PNLIPRP1: variants seen among roughly 807,000 people sequenced by gnomAD.
PNLIPRP1 encodes pancreatic lipase related protein 1, also known as inactive pancreatic lipase-related protein 1.
A neutral mutation model predicts 54.6 loss-of-function variants in PNLIPRP1; 57 were observed. That is an observed-to-expected ratio of 1.04 (90% CI 0.84 to 1.30). The LOEUF is 1.30. Among genes scored for constraint, PNLIPRP1 ranks in the 50% most tolerant of loss-of-function variants. PNLIPRP1 has a pLI of 0.00. For missense variants in PNLIPRP1, 567 were observed against 568.5 expected, an observed-to-expected ratio of 1.00 and a Z score of 0.03; for synonymous variants, 232 against 208.8, an observed-to-expected ratio of 1.11 and a Z score of -0.96.
At chr10:116,608,384 A>C (rs2133246134) in intron 12 of PNLIPRP1, among the ~76,000 whole-genome samples, 1 of 152,328 alleles carries the variant, frequency 6.6e-6, no homozygotes, top group African/African-American at 2.4e-5. Context: ...AAAGGTCATG[A>C]GGAACTCCAG....
chr10:116,603,946 C>T, intron 10 of PNLIPRP1, 84 bp from the exon 11 acceptor site: 5 of 637,906 alleles, frequency 7.8e-6, no homozygotes, highest in Non-Finnish European at 1.3e-5. Context: ...TTTGTTGCCT[C>T]AGAGTAAGAG....
chr10:116,591,640 G>A (rs1847638680), intron 2 of PNLIPRP1, 131 bp from the exon 3 acceptor site: 4 of 864,596 alleles, frequency 4.6e-6, no homozygotes, highest in Non-Finnish European at 7.4e-6. Flanking sequence ...AGAGTGGGAG[G>A]GGTTGCAGTA....
chr10:116,592,607 C>T (rs782024093), intron 4 of PNLIPRP1, 66 bp downstream of exon 4: 1 of 1,570,690 alleles, frequency 6.4e-7, no homozygotes, highest in Non-Finnish European at 8.8e-7. Flanking sequence ...CTCTGCATCA[C>T]TTTATGCACT....
chr10:116,604,681 C>CTTTTTTTTTTT (rs1234478269), intron 11 of PNLIPRP1, among the ~76,000 whole-genome samples: 8 of 94,126 alleles, frequency 8.5e-5, no homozygotes, highest in Non-Finnish European at 1.6e-4. Flanking sequence ...CTTTCTCTCT[C>CTTTTTTTTTTT]TTTTTTTTTT....
At chr10:116,606,109 C>A (rs1056552622) in intron 12 of PNLIPRP1, among the ~76,000 whole-genome samples, 1 of 152,102 alleles carries the variant, frequency 6.6e-6, no homozygotes, top group African/African-American at 2.4e-5. Flanking sequence ...GAGGGCAGAG[C>A]GACTGTCTCT....
intron 8 of PNLIPRP1, 32 bp downstream of exon 8, chr10:116,598,198 C>G (rs555199166): frequency 1.9e-4 from 299 of 1,594,592 alleles, no homozygotes; most frequent in Non-Finnish European, 2.4e-4. Context: ...GGGAGCAGGG[C>G]GGGTACTTTC....
Position 116,604,099 on chromosome 10 carries a change from T to C in PNLIPRP1, c.1133T>C (p.Phe378Ser), listed in dbSNP as rs1554865216. 5 of 1,613,310 alleles carry C rather than the reference T, an allele frequency of 3.1e-6. No individual in the cohort carries two copies. Among genetic ancestry groups the C allele is most frequent in the Non-Finnish European group, 3.4e-6 (4 of 1,179,308 alleles). The change falls in exon 11 of 13, where the codon TTT (phenylalanine) becomes TCT (serine). Residue 378 changes from phenylalanine to serine, a missense_variant. Phe to Ser is a radical substitution (Grantham distance 155). Coordinates refer to ENST00000358834, the MANE Select transcript of PNLIPRP1 (RefSeq NM_006229.4). ...TATGQIKVAL[F>S]GNKGNTHQYS... ...ACTGGTCAGATCAAAGTTGCTTTGT[T>C]TGGAAATAAGGGAAACACTCACCAG...
chr10:116,596,234 T>A lies in PNLIPRP1; in HGVS notation c.486T>A (p.Pro162=). 2 of 1,612,872 alleles carry A rather than the reference T, an allele frequency of 1.2e-6. No individual in the cohort carries two copies. Among genetic ancestry groups the A allele is most frequent in the Non-Finnish European group, 1.7e-6 (2 of 1,178,884 alleles). ...DILLTEYSYP[P]SKVHLIGHSL... ...TCCAGACAGAGTATAGCTACCCCCC[T>A]TCCAAAGTTCACCTCATTGGCCACA... is the stretch of plus-strand genomic sequence containing the variant. The change falls in exon 6 of 13, where the codon CCT becomes CCA. Residue 162 remains proline, a synonymous_variant. Coordinates refer to ENST00000358834, the MANE Select transcript of PNLIPRP1 (RefSeq NM_006229.4).
chr10:116,595,200 C>A, intron 5 of PNLIPRP1: 1 of 285,642 alleles, frequency 3.5e-6, no homozygotes, highest in South Asian at 4.2e-5. Context: ...CAGAATTCAC[C>A]CACAACACCA....
At chr10:116,602,608 A>G (rs1189873826) in intron 10 of PNLIPRP1, among the ~76,000 whole-genome samples, 2 of 152,202 alleles carry the variant, frequency 1.3e-5, no homozygotes, top group Admixed American at 1.3e-4. Context: ...ACATTATGGG[A>G]CAGAGAACCT....
intron 3 of PNLIPRP1, 82 bp from the exon 4 acceptor site, chr10:116,592,334 T>C (rs1342871432): frequency 1.4e-6 from 2 of 1,470,620 alleles, no homozygotes; most frequent in Non-Finnish European, 1.8e-6. Context: ...AGTAGAGGCA[T>C]TGGCGCAGGC....
rs146399687 is a variant in PNLIPRP1 at position 116,596,236 on chromosome 10, C to T, written c.488C>T (p.Ser163Phe). The T allele has an allele frequency of 2.1e-4, 334 of 1,613,194 alleles. No homozygotes were observed. The African/African-American group carries it at 3.4e-3, about 16-fold the overall frequency. The change falls in exon 6 of 13, where the codon TCC (serine) becomes TTC (phenylalanine). Residue 163 changes from serine to phenylalanine, a missense_variant. Coordinates refer to ENST00000358834, the MANE Select transcript of PNLIPRP1 (RefSeq NM_006229.4). ...ILLTEYSYPP[S>F]KVHLIGHSLG... The stretch of plus-strand genomic sequence containing the variant: ...CAGACAGAGTATAGCTACCCCCCTT[C>T]CAAAGTTCACCTCATTGGCCACAGC...
intron 11 of PNLIPRP1, among the ~76,000 whole-genome samples, chr10:116,604,679 C>CTG (rs1847906541): frequency 7.3e-6 from 1 of 137,072 alleles, no homozygotes; most frequent in Admixed American, 7.4e-5. Flanking sequence ...TCCTTTCTCT[C>CTG]TCTTTTTTTT....
intron 10 of PNLIPRP1, 26 bp from the exon 11 acceptor site, chr10:116,604,004 A>G (rs1554865160): frequency 2.8e-6 from 4 of 1,440,620 alleles, no homozygotes; most frequent in Admixed American, 3.5e-5. Context: ...GTGTGAATAA[A>G]TTGAACTCTT....
intron 4 of PNLIPRP1, chr10:116,594,175 G>A (rs1161529110): frequency 1.1e-5 from 4 of 369,726 alleles, no homozygotes; most frequent in African/African-American, 6.4e-5. Context: ...TGACATCCAG[G>A]AAGACATTTT....
chr10:116,595,283 A>C, intron 5 of PNLIPRP1: 1 of 194,592 alleles, frequency 5.1e-6, no homozygotes, highest in Non-Finnish European at 1.1e-5. Context: ...AGTACGTGCA[A>C]TTGGCATGTA....
chr10:116,596,174 C>A, intron 5 of PNLIPRP1, 40 bp from the exon 6 acceptor site: 1 of 1,381,448 alleles, frequency 7.2e-7, no homozygotes, highest in Non-Finnish European at 1.0e-6. Flanking sequence ...AGAAAAACCA[C>A]AGCAAAAAAT....
intron 12 of PNLIPRP1, 131 bp downstream of exon 12, chr10:116,605,684 T>C (rs1847925705): frequency 9.0e-6 from 5 of 554,640 alleles, no homozygotes; most frequent in Middle Eastern, 2.9e-4. Context: ...TGGCCCCTTC[T>C]CCCCAAACAA....
chr10:116,601,083 C>T lies in PNLIPRP1; in HGVS notation c.945C>T (p.Phe315=), dbSNP rs782167927. 43 of 1,612,912 alleles carry T rather than the reference C, an allele frequency of 2.7e-5. No homozygotes were observed. The highest frequency in any genetic ancestry group is 2.5e-6 in the Non-Finnish European group (3 of 1,179,694). The change falls in exon 10 of 13, where the codon TTC becomes TTT. Residue 315 remains phenylalanine (F), a synonymous_variant. Coordinates refer to ENST00000358834, the MANE Select transcript of PNLIPRP1 (RefSeq NM_006229.4). ...TCTCTTCTCATTAGGACAAGTGCTTCCCGTGTCCAGATCAAGGATGCCCAC... is the reference window on the plus strand; with the variant it reads ...TCTCTTCTCATTAGGACAAGTGCTTTCCGTGTCCAGATCAAGGATGCCCAC... ...SYKSFESDKC[F]PCPDQGCPQM... is the part of the protein sequence containing the mutation.
Sources: allele counts gnomAD v4.1 joint callset (sites outside exome capture counted in the v4.1 genomes callset), GRCh38; gene constraint gnomAD v4.1.1; transcripts MANE v1.5; gene names NCBI Gene and HGNC (gene_info 2026-07-23, HGNC 2026-07-21).